The following NFYC variants were observed in gnomAD, a reference collection of about 807,000 sequenced individuals.
NFYC encodes CAAT box DNA-binding protein subunit C.
A neutral mutation model predicts 53.1 loss-of-function variants in NFYC; 25 were observed. The observed-to-expected ratio is 0.47, with a 90% CI of 0.34 to 0.66. The LOEUF is 0.66. Ranked by LOEUF, NFYC falls within the 30% of genes least tolerant of loss-of-function variation. The pLI is 0.01. For synonymous variants in NFYC, 145 were observed against 152.6 expected (o/e 0.95, Z 0.37); for missense variants, 260 against 422.7 (o/e 0.62, Z 3.38).
intron 1 of NFYC, among the ~76,000 whole-genome samples, chr1:40,710,713 C>T (rs889010971): frequency 6.6e-6 from 1 of 152,140 alleles, no homozygotes; most frequent in Admixed American, 6.5e-5. Context: ...TTTGCCTTCC[C>T]TAGCTTCCCC....
chr1:40,722,207 A>T (rs1241655870), intron 1 of NFYC, among the ~76,000 whole-genome samples: 1 of 152,054 alleles, frequency 6.6e-6, no homozygotes. Context: ...ATTTAAAAAA[A>T]GAATTTAAAT....
intron 2 of NFYC, among the ~76,000 whole-genome samples, chr1:40,741,907 GT>G (rs377381291): frequency 6.7e-6 from 1 of 149,066 alleles, no homozygotes; most frequent in Admixed American, 6.6e-5. Context: ...CGTGGCCTTT[GT>G]TTTTTCTTTT....
intron 1 of NFYC, chr1:40,723,226 C>CT (rs1307268671): frequency 6.6e-6 from 1 of 152,198 alleles, no homozygotes; most frequent in Non-Finnish European, 1.5e-5. Flanking sequence ...ACACAGGATA[C>CT]TGCCAGAAAC....
At chr1:40,713,795 T>C (rs1644023093) in intron 1 of NFYC, among the ~76,000 whole-genome samples, 1 of 152,256 alleles carries the variant, frequency 6.6e-6, no homozygotes, top group African/African-American at 2.4e-5. Context: ...GTTTTCACTT[T>C]TTATTTTTCA....
chr1:40,742,791 A>G (rs1248813096), intron 2 of NFYC, among the ~76,000 whole-genome samples: 1 of 152,152 alleles, frequency 6.6e-6, no homozygotes, highest in Admixed American at 6.5e-5. Flanking sequence ...AAGTCAGGGT[A>G]ATTTTTTTCC....
intron 6 of NFYC, among the ~76,000 whole-genome samples, chr1:40,761,607 T>A (rs1646548578): frequency 6.6e-6 from 1 of 152,188 alleles, no homozygotes. Flanking sequence ...TTTAGAACAC[T>A]CTGTCGTCTT....
intron 1 of NFYC, among the ~76,000 whole-genome samples, chr1:40,733,774 C>T (rs1000502688): frequency 4.6e-5 from 7 of 151,792 alleles, no homozygotes; most frequent in Admixed American, 3.3e-4. Context: ...GATGGAGTCT[C>T]GCTCTGTCGC....
chr1:40,764,736 C>G (rs1355175225), intron 7 of NFYC, among the ~76,000 whole-genome samples: 1 of 152,140 alleles, frequency 6.6e-6, no homozygotes, highest in Non-Finnish European at 1.5e-5. Context: ...AACTTTATTT[C>G]CCTTTCAAAA....
chr1:40,732,878 A>C (rs1644834326), intron 1 of NFYC, among the ~76,000 whole-genome samples: 1 of 151,944 alleles, frequency 6.6e-6, no homozygotes, highest in African/African-American at 2.4e-5. Flanking sequence ...TTTCAGGTAG[A>C]TTTCTGATTG....
At chr1:40,724,018 G>T (rs1376263285) in intron 1 of NFYC, among the ~76,000 whole-genome samples, 1 of 152,078 alleles carries the variant, frequency 6.6e-6, no homozygotes, top group Admixed American at 6.5e-5. Flanking sequence ...AGGCTTTGTG[G>T]CTGTATGATT....
chr1:40,744,400 G>C (rs1645506245), intron 2 of NFYC, among the ~76,000 whole-genome samples: 1 of 152,206 alleles, frequency 6.6e-6, no homozygotes, highest in Non-Finnish European at 1.5e-5. Flanking sequence ...CCCCAAGATT[G>C]AGAATCATTG....
At chr1:40,752,774 T>C (rs2148695923) in intron 4 of NFYC, among the ~76,000 whole-genome samples, 1 of 152,096 alleles carries the variant, frequency 6.6e-6, no homozygotes, top group South Asian at 2.1e-4. Context: ...AGGGAAAATA[T>C]TATTTAGGGC....
chr1:40,696,318 C>T (rs1643143223), intron 1 of NFYC, among the ~76,000 whole-genome samples: 1 of 152,174 alleles, frequency 6.6e-6, no homozygotes, highest in Admixed American at 6.5e-5. Flanking sequence ...CCACAGTGCT[C>T]AGCCACAGAT....
chr1:40,703,807 A>G (rs546403089), intron 1 of NFYC, among the ~76,000 whole-genome samples: 1 of 152,314 alleles, frequency 6.6e-6, no homozygotes, highest in East Asian at 1.9e-4. Context: ...TTAATTGGGC[A>G]CCTACCACAT....
intron 6 of NFYC, 171 bp downstream of exon 6, chr1:40,758,465 C>T: frequency 2.8e-6 from 2 of 701,770 alleles, no homozygotes; most frequent in African/African-American, 1.8e-5. Flanking sequence ...AGATGTTACC[C>T]TAATCTCTCT....
At chr1:40,716,361 G>A (rs979063880) in intron 1 of NFYC, among the ~76,000 whole-genome samples, 5 of 152,184 alleles carry the variant, frequency 3.3e-5, no homozygotes, top group African/African-American at 4.8e-5. Flanking sequence ...GGAGCAACAA[G>A]CAAGATCATG....
At position 40,770,098 on chromosome 1, in the gene NFYC, G is replaced by A. The variant is rs542205925; in HGVS notation, c.889-611G>A. On this transcript the variant is annotated intron_variant, in intron 9 of 9. Transcript: ENST00000447388. This position sits in a 1 kb window ranked among gnomAD's most constrained non-coding sequence, Gnocchi z 5.3. ...TTGGCTTTTGGCTTCTTTGGGGAGC[G>A]CCTGGGAAACCAAGTAGTCAATTAG... Among the ~76,000 whole-genome samples, 18 of 152,274 alleles carry A rather than the reference G, an allele frequency of 1.2e-4. No individual in the cohort carries two copies. The highest frequency in any genetic ancestry group is 5.8e-4 in the East Asian group (3 of 5,184).
intron 1 of NFYC, among the ~76,000 whole-genome samples, chr1:40,731,567 C>T (rs1374519770): frequency 6.6e-6 from 1 of 152,052 alleles, no homozygotes; most frequent in Non-Finnish European, 1.5e-5. Context: ...TCACTGCAGC[C>T]TCCACCTCCT....
chr1:40,765,706 G>T (rs541985575), intron 7 of NFYC, among the ~76,000 whole-genome samples: 22 of 152,168 alleles, frequency 1.4e-4, no homozygotes, highest in Non-Finnish European at 2.8e-4. Context: ...AATGTCTGCA[G>T]TCCTCCTCTG....
Sources: allele counts gnomAD v4.1 joint callset (sites outside exome capture counted in the v4.1 genomes callset), GRCh38; gene constraint gnomAD v4.1.1; non-coding constraint Gnocchi (gnomAD v3.1); transcripts MANE v1.5; gene names NCBI Gene and HGNC (gene_info 2026-07-23, HGNC 2026-07-21).